Variants in WDR25 observed in about 807,000 individuals in gnomAD.
WDR25 encodes WD repeat-containing protein 25.
A neutral mutation model predicts 47.7 loss-of-function variants in WDR25; 35 were observed. That is an observed-to-expected ratio of 0.73 (90% confidence interval 0.56 to 0.97). The LOEUF is 0.97. Ranked by LOEUF, WDR25 falls within the 50% of genes least tolerant of loss-of-function variation. The probability of loss-of-function intolerance (pLI) is 0.00; values close to 1 mark genes in which losing one functional copy is unlikely to be tolerated. For missense variants in WDR25, 634 were observed against 704.7 expected (o/e 0.90, Z 1.14); for synonymous variants, 248 against 278.9 (o/e 0.89, Z 1.10).
At chr14:100,393,029 C>T (rs1897178697) in intron 2 of WDR25, among the ~76,000 whole-genome samples, 1 of 152,258 alleles carries the variant, frequency 6.6e-6, no homozygotes, top group South Asian at 2.1e-4. Context: ...GCTTAACTAT[C>T]ATGCCTAGAA....
intron 1 of WDR25, 80 bp downstream of exon 1, chr14:100,376,575 C>T: frequency 2.4e-6 from 3 of 1,231,882 alleles, no homozygotes; most frequent in East Asian, 3.2e-5. Flanking sequence ...CCGCTTAACG[C>T]GGTCTCTCAT....
intron 4 of WDR25, among the ~76,000 whole-genome samples, chr14:100,489,089 A>T (rs1462917654): frequency 2.0e-5 from 3 of 152,222 alleles, no homozygotes; most frequent in African/African-American, 4.8e-5. Context: ...GACAAATGGG[A>T]TATGAAGGCT....
chr14:100,426,233 G>A (rs974987372), intron 2 of WDR25, among the ~76,000 whole-genome samples: 7 of 152,210 alleles, frequency 4.6e-5, no homozygotes, highest in African/African-American at 1.7e-4. Context: ...ATTGGGTTAT[G>A]TCTGTAGGGT....
intron 4 of WDR25, among the ~76,000 whole-genome samples, chr14:100,493,208 G>T (rs1029242984): frequency 1.3e-5 from 2 of 152,146 alleles, no homozygotes; most frequent in African/African-American, 2.4e-5. Context: ...TGTTTGCAGG[G>T]TTATGCAGCC....
At chr14:100,504,424 C>T (rs1302247316) in intron 4 of WDR25, 1 of 152,072 alleles carries the variant, frequency 6.6e-6, no homozygotes, top group Non-Finnish European at 1.5e-5. Context: ...TACTGTATCC[C>T]TCTGATGTAA....
At chr14:100,476,828 G>A (rs1476504421) in intron 3 of WDR25, among the ~76,000 whole-genome samples, 2 of 152,122 alleles carry the variant, frequency 1.3e-5, no homozygotes, top group African/African-American at 4.8e-5. Context: ...GCTTTGCCAG[G>A]GCTGCCTCTG....
At chr14:100,527,013 T>A (rs2030202025) in intron 5 of WDR25, among the ~76,000 whole-genome samples, 2 of 1,934 alleles carry the variant, frequency 1.0e-3, no homozygotes, top group Admixed American at 0.017. Context: ...GTCACCAGCA[T>A]CTTTATTGCT....
At chr14:100,450,746 C>G (rs1031430508) in intron 2 of WDR25, among the ~76,000 whole-genome samples, 1 of 152,166 alleles carries the variant, frequency 6.6e-6, no homozygotes, top group Non-Finnish European at 1.5e-5. Flanking sequence ...CCTCTTCTTC[C>G]CCGCAGTTAT....
At chr14:100,466,500 TG>T (rs1899633327) in intron 2 of WDR25, among the ~76,000 whole-genome samples, 1 of 152,236 alleles carries the variant, frequency 6.6e-6, no homozygotes, top group African/African-American at 2.4e-5. Flanking sequence ...GTTTTCCTAA[TG>T]GAACAGGTCT....
At position 100,498,697 on chromosome 14, in the gene WDR25, T is replaced by C. The variant is rs1900815696; in HGVS notation, c.1101+14573T>C. Among the ~76,000 whole-genome samples the C allele has an allele frequency of 6.6e-6, 1 of 152,118 alleles. No homozygotes were observed. Among genetic ancestry groups the C allele is most frequent in the Non-Finnish European group, 1.5e-5 (1 of 68,002 alleles). On this transcript the variant is annotated intron_variant, in intron 4 of 6. Transcript: ENST00000402312. The surrounding 1 kb of genome is among the most constrained non-coding windows in gnomAD (Gnocchi z 4.2). ...GCGTCCTCCTCTTCCAGGGCCAACA[T>C]GTGAGGTTGTGCAGTCTGTACAGTG...
intron 2 of WDR25, among the ~76,000 whole-genome samples, chr14:100,443,228 G>C (rs1171316434): frequency 6.6e-6 from 1 of 152,210 alleles, no homozygotes; most frequent in East Asian, 1.9e-4. Flanking sequence ...TTTGTAATAC[G>C]TGGCAGCTGC....
chr14:100,405,308 T>G (rs1897502487), intron 2 of WDR25, among the ~76,000 whole-genome samples: 1 of 152,140 alleles, frequency 6.6e-6, no homozygotes, highest in South Asian at 2.1e-4. Flanking sequence ...ATTACAGGCA[T>G]GCACCACCAC....
intron 4 of WDR25, among the ~76,000 whole-genome samples, chr14:100,514,537 G>A (rs201325835): frequency 1.2e-3 from 175 of 151,618 alleles, no homozygotes; most frequent in Admixed American, 3.4e-3. Flanking sequence ...CTGTGGCATT[G>A]TGCTGTGGGG....
rs1307066881 is a variant in WDR25, at chr14:100,529,528, C to G, written c.1414-292C>G. 5.1e-6 allele frequency: 3 copies of G among 591,350 alleles called. No individual in the cohort carries two copies. Among genetic ancestry groups the G allele is most frequent in the Non-Finnish European group, 9.0e-6 (3 of 334,128 alleles). The allele number at this position is 591,350 out of a possible 1,614,324, so 36.6% of individuals were successfully genotyped here. On this transcript the variant is annotated intron_variant, in intron 6 of 6. Coordinates refer to ENST00000402312, the MANE Select transcript of WDR25 (RefSeq NM_001161476.3). The surrounding 1 kb of genome is among the most constrained non-coding windows in gnomAD (Gnocchi z 5.1). The stretch of plus-strand genomic sequence containing the variant: ...CTTCCCTTTCCTCACTGAGGCCAAG[C>G]CTTGCTGGGGTGGAAGGGGCTGGGT...
At chr14:100,478,093 A>AAAAAC (rs952682821) in intron 3 of WDR25, among the ~76,000 whole-genome samples, 2 of 134,294 alleles carry the variant, frequency 1.5e-5, no homozygotes, top group Non-Finnish European at 3.2e-5. Flanking sequence ...TCTGTCTCAA[A>AAAAAC]AAAACAAAAC....
chr14:100,483,006 T>C lies in WDR25; in HGVS notation c.971-988T>C, dbSNP rs577185733. Among the ~76,000 whole-genome samples the C allele has an allele frequency of 7.9e-5, 12 of 152,280 alleles. 1 individual carries two copies. The South Asian group carries it at 2.5e-3, about 32-fold the overall frequency. On this transcript the variant is annotated intron_variant, in intron 3 of 6. Transcript: ENST00000402312. ...GCTGCTGTGCCTGGTGTGTGAGCCC[T>C]GCCTGTGGGGGACATATACGGGGGT...
intron 4 of WDR25, among the ~76,000 whole-genome samples, chr14:100,522,433 G>A (rs1241580343): frequency 1.3e-5 from 2 of 152,148 alleles, no homozygotes; most frequent in African/African-American, 4.8e-5. Flanking sequence ...CTATGTGATT[G>A]GCGACTTCTG....
At chr14:100,459,894 G>GTGTATATA (rs1172584092) in intron 2 of WDR25, among the ~76,000 whole-genome samples, 70 of 78,206 alleles carry the variant, frequency 9.0e-4, no homozygotes, top group Non-Finnish European at 1.4e-3. Flanking sequence ...GTGTGTGTGT[G>GTGTATATA]TATATATATA....
intron 4 of WDR25, among the ~76,000 whole-genome samples, chr14:100,495,588 C>T (rs1900705486): frequency 6.6e-6 from 1 of 152,132 alleles, no homozygotes; most frequent in Admixed American, 6.5e-5. Flanking sequence ...ATTCAGTTTT[C>T]TGGCCCTGGT....
Sources: gnomAD v4.1 joint callset for allele counts (sites outside exome capture counted in the v4.1 genomes callset) on GRCh38, gnomAD v4.1.1 for gene constraint, Gnocchi (gnomAD v3.1) non-coding constraint, MANE v1.5 for transcripts, NCBI Gene and HGNC (gene_info 2026-07-23, HGNC 2026-07-21) for gene names.